Variants in FAM135B observed in about 807,000 individuals in gnomAD.
FAM135B encodes protein FAM135B.
Under a neutral mutation model 127.7 loss-of-function variants are expected in FAM135B, and 43 were observed. That is an observed-to-expected ratio of 0.34 (90% confidence interval 0.26 to 0.43). The LOEUF (loss-of-function observed/expected upper bound fraction) is 0.43. FAM135B is among the 20% of genes least tolerant of loss of function. The pLI, the probability that FAM135B is intolerant of heterozygous loss-of-function variation, is 1.00. For missense variants in FAM135B, 1,558 were observed against 1,725.6 expected (o/e 0.90, Z 1.72); for synonymous variants, 670 against 665.1 (o/e 1.01, Z -0.11).
chr8:138,274,861 G>C lies in FAM135B; in HGVS notation c.158-9019C>G, dbSNP rs368600213. On this transcript the variant is annotated intron_variant, in intron 3 of 19. Transcript: ENST00000395297. ...TTTAAGGTTATCTCTCTTATTCCCT[G>C]AACAATTGCTATTATCCTGTTCTTT... is the stretch of plus-strand genomic sequence containing the variant. Among the ~76,000 whole-genome samples the C allele has an allele frequency of 1.1e-4, 16 of 152,046 alleles. No homozygotes were observed. In the East Asian group the frequency reaches 1.4e-3, roughly 13 times the overall value.
intron 12 of FAM135B, among the ~76,000 whole-genome samples, chr8:138,166,038 C>G (rs1420282930): frequency 6.6e-6 from 1 of 152,186 alleles, no homozygotes; most frequent in Non-Finnish European, 1.5e-5. Flanking sequence ...TGATTTAAAA[C>G]TTGCACAGAC....
chr8:138,461,078 C>T (rs931773555), intron 1 of FAM135B, among the ~76,000 whole-genome samples: 1 of 152,100 alleles, frequency 6.6e-6, no homozygotes, highest in African/African-American at 2.4e-5. Flanking sequence ...GGAGTTAATC[C>T]TTTGTTATAA....
chr8:138,379,394 CATT>C (rs1831693177), intron 1 of FAM135B, among the ~76,000 whole-genome samples: 1 of 151,830 alleles, frequency 6.6e-6, no homozygotes, highest in Admixed American at 6.6e-5. Flanking sequence ...TTTTTAGTAA[CATT>C]ATGGCTTTTC....
At chr8:138,427,376 C>A (rs531940996) in intron 1 of FAM135B, among the ~76,000 whole-genome samples, 4 of 151,788 alleles carry the variant, frequency 2.6e-5, no homozygotes, top group Non-Finnish European at 5.9e-5. Context: ...TTACATGGCA[C>A]TGAATTTTGA....
intron 15 of FAM135B, among the ~76,000 whole-genome samples, chr8:138,145,005 A>G (rs914170927): frequency 1.3e-5 from 2 of 151,888 alleles, no homozygotes; most frequent in Admixed American, 1.3e-4. Flanking sequence ...ATTTTAGTTT[A>G]GTTTAGTTTA....
Position 138,196,258 on chromosome 8 carries a change from T to C in FAM135B, c.824-951A>G, listed in dbSNP as rs560537480. Reference sequence around the variant, plus strand: ...ATCTCCATTTTTCATTTGAGCTATATAAAGTCACTCTGATTCTGTGCAGGT... The same window carrying C: ...ATCTCCATTTTTCATTTGAGCTATACAAAGTCACTCTGATTCTGTGCAGGT... On this transcript the variant is annotated intron_variant, in intron 8 of 19. Coordinates refer to ENST00000395297, the MANE Select transcript of FAM135B (RefSeq NM_015912.4). 2.6e-5 allele frequency among the ~76,000 whole-genome samples: 4 copies of C among 152,340 alleles called. No individual in the cohort carries two copies. The South Asian group carries it at 8.3e-4, about 32-fold the overall frequency.
chr8:138,475,590 G>A (rs1448328245), intron 1 of FAM135B, among the ~76,000 whole-genome samples: 1 of 152,154 alleles, frequency 6.6e-6, no homozygotes, highest in Non-Finnish European at 1.5e-5. Context: ...ACCACGATCT[G>A]TCAATTCTAA....
chr8:138,429,324 A>ATGATAGGTGG (rs1182647634), intron 1 of FAM135B, among the ~76,000 whole-genome samples: 1 of 152,192 alleles, frequency 6.6e-6, no homozygotes, highest in Non-Finnish European at 1.5e-5. Context: ...TGCATGGTAT[A>ATGATAGGTGG]TGATAGGTGG....
chr8:138,291,017 G>A (rs1825071329), intron 3 of FAM135B, among the ~76,000 whole-genome samples: 2 of 152,108 alleles, frequency 1.3e-5, no homozygotes, highest in East Asian at 3.9e-4. Flanking sequence ...GAGGCTCAGG[G>A]ACCTGGAAGG....
intron 1 of FAM135B, among the ~76,000 whole-genome samples, chr8:138,417,851 G>GA (rs1834256591): frequency 6.6e-6 from 1 of 152,138 alleles, no homozygotes; most frequent in Admixed American, 6.5e-5. Context: ...ATTCACATGA[G>GA]AAAAAATAAG....
chr8:138,409,879 C>CAAA (rs10543075), intron 1 of FAM135B, among the ~76,000 whole-genome samples: 20 of 78,430 alleles, frequency 2.6e-4, no homozygotes, highest in African/African-American at 8.6e-4. Flanking sequence ...GACTCCGTCT[C>CAAA]AAAAAAAAAA....
intron 1 of FAM135B, among the ~76,000 whole-genome samples, chr8:138,372,316 A>G (rs1831184388): frequency 6.6e-6 from 1 of 152,200 alleles, no homozygotes; most frequent in African/African-American, 2.4e-5. Flanking sequence ...ACCTGCGTAC[A>G]GACAGTTTGC....
chr8:138,146,111 A>G lies in FAM135B; in HGVS notation c.3449-61T>C, dbSNP rs1232650389. 9.7e-6 allele frequency: 8 copies of G among 828,938 alleles called. No individual in the cohort carries two copies. The East Asian group carries it at 1.8e-4, about 18-fold the overall frequency. 51.3% of individuals were successfully genotyped at this position (828,938 alleles called of 1,614,324 possible). On this transcript the variant is annotated intron_variant, in intron 14 of 19. Transcript: ENST00000395297. ...AGTTAGTCATATAAAAGGTTGACACACGAGGAATTTCTTTCTCTCTCCCTC... is the reference window on the plus strand; with the variant it reads ...AGTTAGTCATATAAAAGGTTGACACGCGAGGAATTTCTTTCTCTCTCCCTC...
intron 1 of FAM135B, among the ~76,000 whole-genome samples, chr8:138,419,911 C>A (rs959939053): frequency 3.9e-5 from 6 of 152,056 alleles, no homozygotes; most frequent in African/African-American, 1.4e-4. Flanking sequence ...AAATTAACAA[C>A]CTAACATCAC....
chr8:138,347,845 C>T (rs1023365156), intron 2 of FAM135B, among the ~76,000 whole-genome samples: 3 of 152,110 alleles, frequency 2.0e-5, no homozygotes, highest in Non-Finnish European at 4.4e-5. Context: ...TAAGTTACAT[C>T]ATGCTTCTGT....
rs139942506 is a variant in FAM135B at position 138,371,148 on chromosome 8, G to A, written c.-19-3146C>T. Among the ~76,000 whole-genome samples, 13 of 152,272 alleles carry A rather than the reference G, an allele frequency of 8.5e-5. No individual in the cohort carries two copies. In the East Asian group the frequency reaches 2.5e-3, roughly 29 times the overall value. ...GGTTTCTTGTGAGCTGCATGACCTTGGATCCATTCCTTAACTTCTCTGTCC... is the reference window on the plus strand; with the variant it reads ...GGTTTCTTGTGAGCTGCATGACCTTAGATCCATTCCTTAACTTCTCTGTCC... On this transcript the variant is annotated intron_variant, in intron 1 of 19. Transcript: ENST00000395297.
At chr8:138,161,742 C>G (rs1164392386) in intron 12 of FAM135B, among the ~76,000 whole-genome samples, 1 of 152,194 alleles carries the variant, frequency 6.6e-6, no homozygotes. Context: ...AAACTGTGAA[C>G]AAACTTGCCT....
chr8:138,308,912 G>A (rs1826458907), intron 3 of FAM135B: 1 of 395,228 alleles, frequency 2.5e-6, no homozygotes, highest in Admixed American at 3.3e-5. Context: ...TCCTCTCCGA[G>A]GCTTTTACCT....
At chr8:138,311,009 A>G in intron 2 of FAM135B, 89 bp from the exon 3 acceptor site, 1 of 973,204 alleles carries the variant, frequency 1.0e-6, no homozygotes, top group Non-Finnish European at 1.5e-6. Flanking sequence ...TGAAAGCCAT[A>G]GGAAATCAGG....
Sources: gnomAD v4.1 joint callset for allele counts (sites outside exome capture counted in the v4.1 genomes callset) on GRCh38, gnomAD v4.1.1 for gene constraint, MANE v1.5 for transcripts, NCBI Gene and HGNC (gene_info 2026-07-23, HGNC 2026-07-21) for gene names.